Variants in UNC80 observed in about 807,000 individuals in gnomAD.
UNC80 encodes protein unc-80 homolog.
Under a neutral mutation model 384.6 loss-of-function variants are expected in UNC80, and 164 were observed. The ratio of observed to expected loss-of-function variants is 0.43; its 90% CI spans 0.38 to 0.49. The LOEUF (loss-of-function observed/expected upper bound fraction) is 0.49. UNC80 is among the 20% of genes least tolerant of loss of function. The pLI is 0.00. For missense variants in UNC80, 3,330 were observed against 4,143.0 expected, an observed-to-expected ratio of 0.80 and a Z score of 5.39; for synonymous variants, 1,486 against 1,527.8, an observed-to-expected ratio of 0.97 and a Z score of 0.64.
intron 51 of UNC80, among the ~76,000 whole-genome samples, chr2:209,960,347 C>A (rs753668537): frequency 6.6e-6 from 1 of 152,204 alleles, no homozygotes; most frequent in African/African-American, 2.4e-5. Context: ...ACTCGTATTT[C>A]GTCTTCCTAC....
intron 25 of UNC80, among the ~76,000 whole-genome samples, 160 bp downstream of exon 25, chr2:209,881,254 C>T (rs1478298317): frequency 6.6e-6 from 1 of 152,166 alleles, no homozygotes; most frequent in East Asian, 1.9e-4. Context: ...AAGAAATGCT[C>T]TTTTCCTCAT....
intron 51 of UNC80, among the ~76,000 whole-genome samples, chr2:209,967,164 T>C (rs935065950): frequency 1.3e-5 from 2 of 152,192 alleles, no homozygotes; most frequent in Non-Finnish European, 2.9e-5. Flanking sequence ...ATTTGGCCTA[T>C]CCTTAATCTC....
chr2:209,928,464 T>A (rs890137422), intron 36 of UNC80, among the ~76,000 whole-genome samples: 1 of 152,208 alleles, frequency 6.6e-6, no homozygotes, highest in East Asian at 1.9e-4. Context: ...CTCTTTGCAT[T>A]TTTTTGTATT....
intron 61 of UNC80, among the ~76,000 whole-genome samples, chr2:209,987,210 A>G (rs549368539): frequency 2.3e-4 from 35 of 152,324 alleles, no homozygotes; most frequent in Non-Finnish European, 4.6e-4. Flanking sequence ...GGTAAGTTGG[A>G]TGGAGTGGGC....
chr2:209,804,185 A>G (rs1478500783), intron 7 of UNC80, among the ~76,000 whole-genome samples: 1 of 152,208 alleles, frequency 6.6e-6, no homozygotes, highest in Non-Finnish European at 1.5e-5. Flanking sequence ...AACACGCCCA[A>G]CATACAGTGG....
intron 20 of UNC80, among the ~76,000 whole-genome samples, 197 bp from the exon 21 acceptor site, chr2:209,842,153 A>C (rs1175674784): frequency 1.3e-5 from 2 of 152,158 alleles, no homozygotes; most frequent in African/African-American, 4.8e-5. Flanking sequence ...TCCTCCTTTT[A>C]GTTACAGTGA....
At chr2:209,853,652 AAAGAAAAATTAAACAGTTC>A (rs2082689894) in intron 22 of UNC80, among the ~76,000 whole-genome samples, 2 of 152,132 alleles carry the variant, frequency 1.3e-5, no homozygotes, top group Non-Finnish European at 2.9e-5. Context: ...AAGAAAATAA[AAAGAAAAATTAAACAGTTC>A]AAGCAAAAGG....
chr2:209,786,582 G>A (rs765460239), intron 5 of UNC80, among the ~76,000 whole-genome samples: 14 of 152,106 alleles, frequency 9.2e-5, no homozygotes, highest in Non-Finnish European at 1.8e-4. Flanking sequence ...GGTAAATGGA[G>A]CAGGGGCTCC....
intron 51 of UNC80, among the ~76,000 whole-genome samples, chr2:209,964,694 A>G (rs1333654682): frequency 6.6e-6 from 1 of 150,710 alleles, no homozygotes; most frequent in Non-Finnish European, 1.5e-5. Context: ...AGGCTGAGGC[A>G]GGAGAATCGC....
intron 29 of UNC80, among the ~76,000 whole-genome samples, chr2:209,907,935 A>G (rs956772531): frequency 1.3e-5 from 2 of 152,202 alleles, no homozygotes; most frequent in Admixed American, 1.3e-4. Flanking sequence ...TATTGCTTAC[A>G]TTTCTGAAAA....
chr2:209,772,587 C>G (rs1017523629), intron 1 of UNC80, among the ~76,000 whole-genome samples: 4 of 152,018 alleles, frequency 2.6e-5, no homozygotes, highest in Non-Finnish European at 5.9e-5. Flanking sequence ...ACTTGTTAAC[C>G]GTTTTGCTCA....
chr2:209,936,281 T>C (rs2091239872), intron 40 of UNC80, among the ~76,000 whole-genome samples: 1 of 152,188 alleles, frequency 6.6e-6, no homozygotes, highest in Admixed American at 6.5e-5. Flanking sequence ...CCACAACCAG[T>C]GTGACCTAAA....
At chr2:209,983,185 A>G (rs1002834782) in intron 60 of UNC80, among the ~76,000 whole-genome samples, 1 of 152,158 alleles carries the variant, frequency 6.6e-6, no homozygotes, top group African/African-American at 2.4e-5. Context: ...GCATATTCTG[A>G]TGTTCACATA....
At chr2:209,946,870 C>T in intron 47 of UNC80, among the ~76,000 whole-genome samples, 1 of 152,168 alleles carries the variant, frequency 6.6e-6, no homozygotes, top group East Asian at 1.9e-4. Context: ...GTTTCTCTCT[C>T]CCATAAGAGA....
intron 38 of UNC80, among the ~76,000 whole-genome samples, chr2:209,931,322 G>A (rs1049707950): frequency 1.4e-5 from 2 of 147,734 alleles, no homozygotes; most frequent in Non-Finnish European, 3.0e-5. Context: ...GAAAACATGT[G>A]TTCTTTTAGT....
chr2:209,803,831 T>G (rs114309314), intron 7 of UNC80, among the ~76,000 whole-genome samples: 3,276 of 152,196 alleles, frequency 0.022, 50 homozygotes, highest in Middle Eastern at 0.12. Context: ...CTCCTAGGCT[T>G]AAGCAATTCT....
chr2:209,871,972 T>TAA (rs376722294), intron 22 of UNC80, among the ~76,000 whole-genome samples: 1 of 144,300 alleles, frequency 6.9e-6, no homozygotes, highest in Admixed American at 6.9e-5. Context: ...TATGACAAAA[T>TAA]AAAAAAAAAA....
chr2:209,919,237 T>A (rs1034676296), intron 33 of UNC80, among the ~76,000 whole-genome samples: 3 of 152,174 alleles, frequency 2.0e-5, no homozygotes, highest in Admixed American at 2.0e-4. Context: ...AAAATTCATC[T>A]TCAGAATATG....
At chr2:209,889,132 T>G (rs1401606865) in intron 26 of UNC80, among the ~76,000 whole-genome samples, 1 of 152,196 alleles carries the variant, frequency 6.6e-6, no homozygotes, top group East Asian at 1.9e-4. Flanking sequence ...GACCAGATAT[T>G]AACCAGATAT....
Sources: allele counts gnomAD v4.1 joint callset (sites outside exome capture counted in the v4.1 genomes callset), GRCh38; gene constraint gnomAD v4.1.1; transcripts MANE v1.5; gene names NCBI Gene and HGNC (gene_info 2026-07-23, HGNC 2026-07-21).